CHL1: variants seen among roughly 807,000 people sequenced by gnomAD.
CHL1 encodes cell adhesion molecule L1 like, also known as neural cell adhesion molecule L1-like protein.
A neutral mutation model predicts 141.9 loss-of-function variants in CHL1; 96 were observed. That is an observed-to-expected ratio of 0.68 (90% CI 0.57 to 0.80). The LOEUF (loss-of-function observed/expected upper bound fraction) is 0.80, where lower values mean the gene tolerates loss of function less well. Ranked by LOEUF, CHL1 falls within the 30% of genes least tolerant of loss-of-function variation. CHL1 has a pLI of 0.00. For synonymous variants in CHL1, 613 were observed against 502.2 expected, an observed-to-expected ratio of 1.22 and a Z score of -2.95; for missense variants, 1,820 against 1,457.2, an observed-to-expected ratio of 1.25 and a Z score of -4.05.
rs537652542 is a variant in CHL1, at chr3:369,662, C to A, written c.1751+3547C>A. On this transcript the variant is annotated intron_variant, in intron 15 of 27. Coordinates refer to ENST00000256509, the MANE Select transcript of CHL1 (RefSeq NM_006614.4). ...GAATAGGAGTGGTGAGAGAGGGCAT[C>A]CTTGTCTTGTACTAGTTTGCCAAGG... Among the ~76,000 whole-genome samples the A allele has an allele frequency of 2.6e-5, 4 of 152,308 alleles. No individual in the cohort carries two copies. The South Asian group carries it at 8.3e-4, about 32-fold the overall frequency.
At chr3:278,209 TTTGC>T (rs1696327011) in intron 2 of CHL1, among the ~76,000 whole-genome samples, 1 of 152,228 alleles carries the variant, frequency 6.6e-6, no homozygotes, top group African/African-American at 2.4e-5. Flanking sequence ...ACAGAATTAT[TTTGC>T]TTGCTGTCTG....
intron 2 of CHL1, among the ~76,000 whole-genome samples, chr3:276,616 A>T (rs9824712): frequency 1.3e-4 from 20 of 151,896 alleles, no homozygotes; most frequent in Non-Finnish European, 2.9e-5. Flanking sequence ...GGGGCTGGGC[A>T]CGGTGGCTCA....
chr3:334,056 T>G (rs1181869505), intron 5 of CHL1, among the ~76,000 whole-genome samples: 1 of 152,104 alleles, frequency 6.6e-6, no homozygotes, highest in Non-Finnish European at 1.5e-5. Context: ...TCCTGGGCTC[T>G]AGCAATCCTT....
chr3:207,269 A>G (rs572120934), intron 1 of CHL1, among the ~76,000 whole-genome samples: 2 of 152,346 alleles, frequency 1.3e-5, no homozygotes, highest in East Asian at 1.9e-4. Flanking sequence ...AAGTGGCAAG[A>G]ATAAGTTTGT....
chr3:271,981 G>T (rs1235053049), intron 2 of CHL1, among the ~76,000 whole-genome samples: 4 of 152,082 alleles, frequency 2.6e-5, no homozygotes, highest in East Asian at 1.9e-4. Flanking sequence ...CTTTTGATAG[G>T]TGCTGACTGT....
chr3:240,028 G>A (rs1006176236), intron 1 of CHL1, among the ~76,000 whole-genome samples: 8 of 152,050 alleles, frequency 5.3e-5, no homozygotes, highest in East Asian at 1.9e-4. Context: ...ACATTTTTGC[G>A]ATTGCGAATT....
At chr3:359,697 G>C (rs1704035450) in intron 11 of CHL1, among the ~76,000 whole-genome samples, 1 of 152,146 alleles carries the variant, frequency 6.6e-6, no homozygotes, top group South Asian at 2.1e-4. Flanking sequence ...AGAAAATCTG[G>C]CCCTTTTTCT....
At chr3:345,575 C>T (rs1026778203) in intron 9 of CHL1, among the ~76,000 whole-genome samples, 1 of 152,014 alleles carries the variant, frequency 6.6e-6, no homozygotes, top group Non-Finnish European at 1.5e-5. Flanking sequence ...CCTCTGCCTC[C>T]TGGGTTCAAG....
intron 22 of CHL1, 96 bp downstream of exon 22, chr3:391,255 C>T: frequency 1.0e-6 from 1 of 984,492 alleles, no homozygotes; most frequent in East Asian, 2.5e-5. Context: ...TGGCTCATGC[C>T]TGTAAATCCC....
chr3:203,611 C>A (rs73814174), intron 1 of CHL1, among the ~76,000 whole-genome samples: 3,591 of 152,248 alleles, frequency 0.024, 145 homozygotes, highest in African/African-American at 0.081. Context: ...TGCCCCTTGT[C>A]CTGAAGGGAT....
chr3:393,112 A>G (rs55748566), intron 23 of CHL1, among the ~76,000 whole-genome samples: 5,595 of 151,810 alleles, frequency 0.037, 323 homozygotes, highest in African/African-American at 0.12. Context: ...GGGCCCCTGT[A>G]GTCCCAGCTA....
chr3:222,639 A>T (rs919719625), intron 1 of CHL1, among the ~76,000 whole-genome samples: 1 of 152,236 alleles, frequency 6.6e-6, no homozygotes, highest in African/African-American at 2.4e-5. Flanking sequence ...AACTTCAGAG[A>T]CAGGCACTAT....
intron 5 of CHL1, among the ~76,000 whole-genome samples, chr3:333,131 TTA>T (rs1354539772): frequency 0.032 from 3,163 of 98,236 alleles, 566 homozygotes; most frequent in African/African-American, 0.097. Flanking sequence ...TCTATTTTTT[TTA>T]TTTTTTTTTT....
chr3:361,589 T>C (rs1298196605), intron 12 of CHL1, 110 bp from the exon 13 acceptor site: 5 of 697,372 alleles, frequency 7.2e-6, no homozygotes, highest in Non-Finnish European at 1.3e-5. Flanking sequence ...GACACCATAA[T>C]ATTCTGCTGT....
Position 215,744 on chromosome 3 carries a change from A to G in CHL1, c.-175+18681A>G, listed in dbSNP as rs112912349. On this transcript the variant is annotated intron_variant, in intron 1 of 27. Coordinates refer to ENST00000256509, the MANE Select transcript of CHL1 (RefSeq NM_006614.4). The stretch of plus-strand genomic sequence containing the variant: ...ATTACAAAGTGACATCTATTTCTTG[A>G]CTACATGCTAGGTGATTAATTATAA... Among the ~76,000 whole-genome samples the G allele has an allele frequency of 7.8e-3, 1,188 of 152,212 alleles. 13 individuals carry two copies. The highest frequency in any genetic ancestry group is 0.028 in the African/African-American group (1,147 of 41,536).
At chr3:386,079 A>G (rs1707678569) in intron 19 of CHL1, among the ~76,000 whole-genome samples, 1 of 152,076 alleles carries the variant, frequency 6.6e-6, no homozygotes, top group Non-Finnish European at 1.5e-5. Context: ...TCCTGCGGAA[A>G]GGAGTTAGAC....
chr3:356,245 A>G (rs1703704681), intron 11 of CHL1, among the ~76,000 whole-genome samples: 1 of 152,232 alleles, frequency 6.6e-6, no homozygotes, highest in South Asian at 2.1e-4. Context: ...TTCAGGTTAC[A>G]AAAGTAAGGA....
At chr3:364,143 ATCCT>A (rs1244678151) in intron 14 of CHL1, 2 of 151,064 alleles carry the variant, frequency 1.3e-5, no homozygotes, top group Non-Finnish European at 2.9e-5. Flanking sequence ...TCCCATATAT[ATCCT>A]TCCTTCCTTC....
chr3:269,775 C>A (rs571347554), intron 2 of CHL1, among the ~76,000 whole-genome samples: 109 of 152,250 alleles, frequency 7.2e-4, no homozygotes, highest in African/African-American at 2.5e-3. Context: ...ATCCATCTGC[C>A]CTGGCCTCCC....
Sources: allele counts gnomAD v4.1 joint callset (sites outside exome capture counted in the v4.1 genomes callset), GRCh38; gene constraint gnomAD v4.1.1; transcripts MANE v1.5; gene names NCBI Gene and HGNC (gene_info 2026-07-23, HGNC 2026-07-21).